The following NREP variants were observed in gnomAD, a reference collection of about 807,000 sequenced individuals.
The protein encoded by NREP is neuronal regeneration related protein, also known as neuronal regeneration-related protein.
In NREP, 5 loss-of-function variants were observed where a neutral mutation model predicts 8.6. The ratio of observed to expected loss-of-function variants is 0.58; its 90% confidence interval spans 0.30 to 1.22. The LOEUF (loss-of-function observed/expected upper bound fraction) is 1.22. Among genes scored for constraint, NREP ranks in the 50% most tolerant of loss-of-function variants. The probability of loss-of-function intolerance (pLI) is 0.07; values close to 1 mark genes in which losing one functional copy is unlikely to be tolerated. For synonymous variants in NREP, 27 were observed against 28.0 expected, an observed-to-expected ratio of 0.96 and a Z score of 0.11; for missense variants, 86 against 82.5, an observed-to-expected ratio of 1.04 and a Z score of -0.17.
At chr5:111,739,383 A>C (rs949924059) in intron 2 of NREP, 2 of 152,294 alleles carry the variant, frequency 1.3e-5, no homozygotes, top group African/African-American at 4.8e-5. Flanking sequence ...GTCTCCCTGC[A>C]GCTCCTAGGG....
chr5:111,946,705 T>C lies in NREP; in HGVS notation c.135+28569A>G, dbSNP rs527985282. On this transcript the variant is annotated intron_variant, in intron 2 of 3. Transcript: ENST00000395634. ...GCATTGAATTTCCTCTTTACTTTTCTTTCCCAACAAAAAATAAATTCCTTT... is the reference window on the plus strand; with the variant it reads ...GCATTGAATTTCCTCTTTACTTTTCCTTCCCAACAAAAAATAAATTCCTTT... 1.9e-4 allele frequency among the ~76,000 whole-genome samples: 29 copies of C among 152,108 alleles called. No homozygotes were observed. In the South Asian group the frequency reaches 4.2e-3, roughly 22 times the overall value.
chr5:111,751,348 C>A (rs1389230471), intron 2 of NREP, among the ~76,000 whole-genome samples: 1 of 152,136 alleles, frequency 6.6e-6, no homozygotes, highest in East Asian at 1.9e-4. Context: ...ACCATTAGGG[C>A]TGTTAATACT....
Position 111,798,972 on chromosome 5 carries a change from C to A in NREP, c.136-63465G>T, listed in dbSNP as rs567251700. ...GGGATTGCTAGATCAAACGGTAGATCTACTTTTAGTTCTTTAAGAAATCTC... is the reference window on the plus strand; with the variant it reads ...GGGATTGCTAGATCAAACGGTAGATATACTTTTAGTTCTTTAAGAAATCTC... On this transcript the variant is annotated intron_variant, in intron 2 of 3. Transcript: ENST00000395634. Among the ~76,000 whole-genome samples, 504 of 152,276 alleles carry A rather than the reference C, an allele frequency of 3.3e-3. 2 individuals are homozygous for A. The highest frequency in any genetic ancestry group is 0.012 in the African/African-American group (489 of 41,544).
At chr5:111,908,403 A>T (rs1185927230) in intron 2 of NREP, among the ~76,000 whole-genome samples, 2 of 151,996 alleles carry the variant, frequency 1.3e-5, no homozygotes, top group East Asian at 3.9e-4. Context: ...ATAATGCTCA[A>T]TAGTTTTTCA....
At chr5:111,870,672 T>C (rs1231968958) in intron 2 of NREP, among the ~76,000 whole-genome samples, 1 of 152,072 alleles carries the variant, frequency 6.6e-6, no homozygotes, top group South Asian at 2.1e-4. Context: ...AGGGATATAA[T>C]CCGTTAAGAC....
intron 2 of NREP, among the ~76,000 whole-genome samples, chr5:111,775,537 T>C (rs181785013): frequency 1.2e-4 from 18 of 152,320 alleles, no homozygotes; most frequent in Admixed American, 9.2e-4. Flanking sequence ...ATTACTTTTA[T>C]ACATGCGGTC....
At chr5:111,897,743 C>G (rs1754544978) in intron 2 of NREP, among the ~76,000 whole-genome samples, 1 of 151,998 alleles carries the variant, frequency 6.6e-6, no homozygotes, top group East Asian at 1.9e-4. Context: ...ATAAGTCTCT[C>G]TTTTTCAAAC....
intron 2 of NREP, among the ~76,000 whole-genome samples, chr5:111,787,798 C>T (rs1034742408): frequency 6.6e-6 from 1 of 152,206 alleles, no homozygotes; most frequent in East Asian, 1.9e-4. Context: ...TTATTTTTTA[C>T]ATTAAAAATA....
At chr5:111,956,194 C>G (rs1183416037) in intron 2 of NREP, among the ~76,000 whole-genome samples, 1 of 152,010 alleles carries the variant, frequency 6.6e-6, no homozygotes, top group Non-Finnish European at 1.5e-5. Flanking sequence ...AGCTCAGAGA[C>G]AGGAGAATTC....
At position 111,877,689 on chromosome 5, in the gene NREP, C is replaced by A. The variant is rs370261386; in HGVS notation, c.135+97585G>T. ...AATTTGAACACTGTTTGGAATCTCC[C>A]ATTCCTAAGCTTTGTTCCATTTATC... On this transcript the variant is annotated intron_variant, in intron 2 of 3. Coordinates refer to the NREP transcript ENST00000395634. 2.0e-5 allele frequency among the ~76,000 whole-genome samples: 3 copies of A among 152,200 alleles called. No homozygotes were observed. The East Asian group carries it at 5.8e-4, about 29-fold the overall frequency.
chr5:111,930,398 C>T (rs1755504066), intron 2 of NREP, among the ~76,000 whole-genome samples: 1 of 152,146 alleles, frequency 6.6e-6, no homozygotes, highest in Non-Finnish European at 1.5e-5. Flanking sequence ...TTAGTTTAAT[C>T]TCTAAACTTT....
intron 2 of NREP, among the ~76,000 whole-genome samples, chr5:111,764,807 G>A (rs1751043165): frequency 6.6e-6 from 1 of 152,094 alleles, no homozygotes; most frequent in Admixed American, 6.6e-5. Context: ...GACATTAGAT[G>A]GTATGGTCCT....
intron 2 of NREP, among the ~76,000 whole-genome samples, chr5:111,824,082 A>G (rs1446275667): frequency 1.3e-5 from 2 of 152,198 alleles, no homozygotes; most frequent in Non-Finnish European, 2.9e-5. Context: ...GGAAAGAAAT[A>G]TGTTTTAGCC....
rs908456345 is a variant in NREP, at chr5:111,828,416, G to A, written c.136-92909C>T. ...AGTATGGAGGGGATGTGCTACTTTG[G>A]GACCAAGTAAGAGTATTATAGAAAA... On this transcript the variant is annotated intron_variant, in intron 2 of 3. Transcript: ENST00000395634. Among the ~76,000 whole-genome samples the A allele has an allele frequency of 2.6e-5, 4 of 152,004 alleles. No individual in the cohort carries two copies. In the South Asian group the frequency reaches 8.3e-4, roughly 32 times the overall value.
At chr5:111,817,966 T>C (rs1005029566) in intron 2 of NREP, among the ~76,000 whole-genome samples, 2 of 152,118 alleles carry the variant, frequency 1.3e-5, no homozygotes, top group African/African-American at 2.4e-5. Context: ...AAATATTACA[T>C]CACATCATCT....
upstream of NREP, among the ~76,000 whole-genome samples, chr5:111,758,662 A>G (rs969788463): frequency 4.6e-5 from 7 of 152,212 alleles, no homozygotes; most frequent in Non-Finnish European, 7.3e-5. Flanking sequence ...ACTGAAAGCA[A>G]TGTTTTCCAT....
chr5:111,933,935 G>C (rs1043748545), intron 2 of NREP, among the ~76,000 whole-genome samples: 1 of 152,098 alleles, frequency 6.6e-6, no homozygotes, highest in Non-Finnish European at 1.5e-5. Context: ...CAGCTAAAAA[G>C]AGCGAGGTTT....
rs549127252 is a variant in NREP, at chr5:111,793,951, G to T, written c.136-58444C>A. Among the ~76,000 whole-genome samples the T allele has an allele frequency of 2.0e-5, 3 of 152,274 alleles. No homozygotes were observed. The East Asian group carries it at 5.8e-4, about 29-fold the overall frequency. ...TATGCCTGTAGTCCCCCAGCTACTC[G>T]AGAGGCTGAGGTGGGAGTACCACTG... On this transcript the variant is annotated intron_variant, in intron 2 of 3. Coordinates refer to the NREP transcript ENST00000395634.
intron 3 of NREP, chr5:111,734,309 GCT>G (rs1748896942): frequency 1.3e-5 from 2 of 158,078 alleles, no homozygotes; most frequent in Admixed American, 1.3e-4. Context: ...TGGTTATACT[GCT>G]CGTGCCGCTG....
Sources: gnomAD v4.1 joint callset for allele counts (sites outside exome capture counted in the v4.1 genomes callset) on GRCh38, gnomAD v4.1.1 for gene constraint, MANE v1.5 for transcripts, NCBI Gene and HGNC (gene_info 2026-07-23, HGNC 2026-07-21) for gene names.